Variants in PHLPP1 observed in about 807,000 individuals in gnomAD.
PHLPP1 encodes PH domain leucine-rich repeat-containing protein phosphatase 1.
Under a neutral mutation model 117.2 loss-of-function variants are expected in PHLPP1, and 42 were observed. The observed-to-expected ratio is 0.36, with a 90% CI of 0.28 to 0.46. The LOEUF is 0.46. PHLPP1 is among the 20% of genes least tolerant of loss of function. The probability of loss-of-function intolerance (pLI) is 1.00; values close to 1 mark genes in which losing one functional copy is unlikely to be tolerated. For synonymous variants in PHLPP1, 1,042 were observed against 970.7 expected (o/e 1.07, Z -1.37); for missense variants, 2,084 against 2,241.9 (o/e 0.93, Z 1.42).
intron 1 of PHLPP1, among the ~76,000 whole-genome samples, chr18:62,737,213 T>C (rs1911395055): frequency 6.6e-6 from 1 of 152,178 alleles, no homozygotes; most frequent in Non-Finnish European, 1.5e-5. Flanking sequence ...GAAAAGGGCA[T>C]GCCAGGTACT....
intron 1 of PHLPP1, among the ~76,000 whole-genome samples, chr18:62,820,045 G>A (rs2144320296): frequency 6.6e-6 from 1 of 152,262 alleles, no homozygotes; most frequent in Middle Eastern, 3.4e-3. Context: ...AAATAGAGTG[G>A]CTATATTTGT....
chr18:62,734,011 A>G (rs973340212), intron 1 of PHLPP1, among the ~76,000 whole-genome samples: 2 of 152,208 alleles, frequency 1.3e-5, no homozygotes, highest in Admixed American at 1.3e-4. Context: ...TGGGTTAAGC[A>G]AATATTCGTT....
Position 62,957,737 on chromosome 18 carries a change from T to A in PHLPP1, c.3325-892T>A, listed in dbSNP as rs1407597465. On this transcript the variant is annotated intron_variant, in intron 12 of 16. Transcript: ENST00000262719. The stretch of plus-strand genomic sequence containing the variant: ...TCTTATTTTTTTTTTTTTGGTGAGA[T>A]GGAGATTTACTCTTGTTGCACAGGC... Among the ~76,000 whole-genome samples, 3 of 151,508 alleles carry A rather than the reference T, an allele frequency of 2.0e-5. 1 individual carries two copies. Among genetic ancestry groups the A allele is most frequent in the Non-Finnish European group, 4.4e-5 (3 of 67,846 alleles).
At chr18:62,940,354 C>CTTTTTTTTT (rs66530466) in intron 10 of PHLPP1, among the ~76,000 whole-genome samples, 1,060 of 46,928 alleles carry the variant, frequency 0.023, 81 homozygotes, top group Non-Finnish European at 0.027. Flanking sequence ...TCTTTCTTTT[C>CTTTTTTTTT]TTTTTTTTTT....
intron 3 of PHLPP1, among the ~76,000 whole-genome samples, chr18:62,842,579 G>A (rs1306787381): frequency 6.6e-6 from 1 of 151,800 alleles, no homozygotes; most frequent in Non-Finnish European, 1.5e-5. Context: ...GGCCAGGCTG[G>A]TCTTGAACTC....
At chr18:62,904,011 G>T (rs1916788493) in intron 7 of PHLPP1, among the ~76,000 whole-genome samples, 1 of 152,196 alleles carries the variant, frequency 6.6e-6, no homozygotes, top group Non-Finnish European at 1.5e-5. Flanking sequence ...ACTGCAAGTT[G>T]AACATATGTT....
chr18:62,838,630 A>G (rs1374504118), intron 2 of PHLPP1, 154 bp from the exon 3 acceptor site: 3 of 608,950 alleles, frequency 4.9e-6, no homozygotes, highest in Admixed American at 3.1e-5. Flanking sequence ...AAATTGGGTG[A>G]TCATATGCAG....
At chr18:62,746,624 C>T (rs2122080465) in intron 1 of PHLPP1, among the ~76,000 whole-genome samples, 1 of 151,784 alleles carries the variant, frequency 6.6e-6, no homozygotes, top group African/African-American at 2.4e-5. Context: ...TAAAGAACAC[C>T]TGTGTAACTA....
rs755768369 is a variant in PHLPP1, at chr18:62,895,160, G to A, written c.2213+3G>A. On this transcript the variant is annotated splice_donor_region_variant and intron_variant, in intron 5 of 16. Coordinates refer to ENST00000262719, the MANE Select transcript of PHLPP1 (RefSeq NM_194449.4). ...GCAGCCGTTGGAGTGATGCACAAGT[G>A]TGTACTTCAAACCCCACTGGCGGGT... 2.2e-5 allele frequency: 35 copies of A among 1,613,058 alleles called. No homozygotes were observed. The African/African-American group carries it at 2.3e-4, about 10-fold the overall frequency.
intron 11 of PHLPP1, among the ~76,000 whole-genome samples, chr18:62,942,838 C>T (rs975522589): frequency 6.6e-6 from 1 of 152,074 alleles, no homozygotes; most frequent in Non-Finnish European, 1.5e-5. Context: ...CCAGTCTGTT[C>T]GAGCCCTTGC....
chr18:62,830,118 G>A lies in PHLPP1; in HGVS notation c.1660G>A (p.Val554Met). ...CCGTAAAGGCAAGATGCAGTTGCCA[G>A]TGAACCGATGGACAAGACGCCAAGT... ...NVRKGKMQLPVNRWTRRQVIL... is the reference protein window; with the variant it reads ...NVRKGKMQLPMNRWTRRQVIL... Residue 554 changes from valine to methionine, a missense_variant, in exon 2 of 17, where the codon GTG (valine) becomes ATG (methionine). This residue lies in a region of PHLPP1 where 1,365 missense variants were observed against 1,605.9 expected (regional missense o/e 0.85). Transcript: ENST00000262719. 1 of 1,612,926 alleles carries A rather than the reference G, an allele frequency of 6.2e-7. No individual in the cohort carries two copies.
chr18:62,924,680 A>G (rs75981451), intron 10 of PHLPP1, among the ~76,000 whole-genome samples: 7 of 133,578 alleles, frequency 5.2e-5, no homozygotes, highest in Non-Finnish European at 6.9e-5. Context: ...CAAATTGAAA[A>G]AAAAAAAAAA....
intron 9 of PHLPP1, among the ~76,000 whole-genome samples, chr18:62,916,047 T>A (rs1046111862): frequency 6.6e-6 from 1 of 152,118 alleles, no homozygotes; most frequent in Admixed American, 6.6e-5. Flanking sequence ...GCACAATCTT[T>A]AAAGGTATGT....
At chr18:62,776,633 G>A (rs1202400909) in intron 1 of PHLPP1, among the ~76,000 whole-genome samples, 2 of 146,602 alleles carry the variant, frequency 1.4e-5, no homozygotes, top group Non-Finnish European at 3.0e-5. Flanking sequence ...TTTCTGGGAC[G>A]GAGTCTCACT....
Position 62,737,293 on chromosome 18 carries a change from G to A in PHLPP1, c.1576+20034G>A, listed in dbSNP as rs537742825. Among the ~76,000 whole-genome samples the A allele has an allele frequency of 2.0e-4, 30 of 152,304 alleles. No individual in the cohort carries two copies. The South Asian group carries it at 6.2e-3, about 32-fold the overall frequency. On this transcript the variant is annotated intron_variant, in intron 1 of 16. Coordinates refer to ENST00000262719, the MANE Select transcript of PHLPP1 (RefSeq NM_194449.4). ...AGTTTGGAGTGGTGAAATTTTAGGT[G>A]ATGAGATGAAAAGTGGTAGGAGATG... is the stretch of plus-strand genomic sequence containing the variant.
At chr18:62,852,255 T>C (rs2144354028) in intron 3 of PHLPP1, among the ~76,000 whole-genome samples, 1 of 152,332 alleles carries the variant, frequency 6.6e-6, no homozygotes, top group South Asian at 2.1e-4. Flanking sequence ...ATTCTGAAAT[T>C]CCAGGTAGAA....
At chr18:62,968,198 G>A (rs985509938) in intron 14 of PHLPP1, among the ~76,000 whole-genome samples, 1 of 152,140 alleles carries the variant, frequency 6.6e-6, no homozygotes, top group Non-Finnish European at 1.5e-5. Context: ...ATTCCATGGT[G>A]GATATTAGTC....
At chr18:62,942,076 T>C (rs1487338384) in intron 11 of PHLPP1, among the ~76,000 whole-genome samples, 158 bp downstream of exon 11, 2 of 152,236 alleles carry the variant, frequency 1.3e-5, no homozygotes, top group East Asian at 3.8e-4. Flanking sequence ...TGATGACATT[T>C]CCCTAAAGAG....
intron 10 of PHLPP1, among the ~76,000 whole-genome samples, chr18:62,924,605 G>A (rs777299629): frequency 4.0e-5 from 6 of 150,256 alleles, no homozygotes; most frequent in African/African-American, 7.4e-5. Flanking sequence ...AGGCCAACAC[G>A]GGAGGATTGC....
Sources: gnomAD v4.1 joint callset for allele counts (sites outside exome capture counted in the v4.1 genomes callset) on GRCh38, gnomAD v4.1.1 for gene constraint, gnomAD v4.1.1 regional missense constraint, MANE v1.5 for transcripts, NCBI Gene and HGNC (gene_info 2026-07-23, HGNC 2026-07-21) for gene names.